Variants in LRRC4C observed in about 807,000 individuals in gnomAD.
LRRC4C encodes leucine rich repeat containing 4C.
LRRC4C carries 5 observed loss-of-function variants against 33.6 expected under a neutral mutation model. The observed-to-expected ratio is 0.15, with a 90% CI of 0.08 to 0.31. The LOEUF (loss-of-function observed/expected upper bound fraction) is 0.31, where lower values mean the gene tolerates loss of function less well. Ranked by LOEUF, LRRC4C falls within the 10% of genes least tolerant of loss-of-function variation. LRRC4C has a pLI of 1.00. For missense variants in LRRC4C, 560 were observed against 796.7 expected (o/e 0.70, Z 3.58); for synonymous variants, 329 against 302.0 (o/e 1.09, Z -0.93).
chr11:40,566,428 A>G (rs1202907776), intron 3 of LRRC4C, among the ~76,000 whole-genome samples: 4 of 152,118 alleles, frequency 2.6e-5, no homozygotes, highest in African/African-American at 9.7e-5. Context: ...ATAATGGTTA[A>G]GTAGATAATG....
intron 2 of LRRC4C, among the ~76,000 whole-genome samples, chr11:40,825,879 A>G (rs1353156492): frequency 6.8e-6 from 1 of 147,474 alleles, no homozygotes; most frequent in Non-Finnish European, 1.5e-5. Context: ...AAAAAAAAAG[A>G]AAAAAATTTA....
chr11:40,502,589 T>C (rs935521875), intron 3 of LRRC4C, among the ~76,000 whole-genome samples: 3 of 152,074 alleles, frequency 2.0e-5, no homozygotes, highest in Non-Finnish European at 4.4e-5. Context: ...ATGAGAATAG[T>C]ATGGGGGAAA....
At chr11:40,256,599 G>T (rs573373584) in intron 4 of LRRC4C, among the ~76,000 whole-genome samples, 6 of 152,154 alleles carry the variant, frequency 3.9e-5, no homozygotes, top group African/African-American at 1.4e-4. Flanking sequence ...AACAAATAAA[G>T]AAATTTCTAA....
intron 2 of LRRC4C, among the ~76,000 whole-genome samples, chr11:40,843,132 G>C (rs1253384041): frequency 6.6e-6 from 1 of 152,000 alleles, no homozygotes; most frequent in South Asian, 2.1e-4. Context: ...GCCTGGTGAC[G>C]AACTGACCCC....
At chr11:40,518,433 A>G (rs919954466) in intron 3 of LRRC4C, among the ~76,000 whole-genome samples, 2 of 152,222 alleles carry the variant, frequency 1.3e-5, no homozygotes, top group African/African-American at 4.8e-5. Context: ...AACCCCATCA[A>G]AAAGTGGACA....
chr11:41,457,515 A>G (rs1956207472), intron 1 of LRRC4C, among the ~76,000 whole-genome samples: 1 of 152,108 alleles, frequency 6.6e-6, no homozygotes, highest in African/African-American at 2.4e-5. Context: ...TTTCTTATTC[A>G]TATATTATTC....
chr11:40,820,577 C>T (rs1174028352), intron 2 of LRRC4C, among the ~76,000 whole-genome samples: 1 of 151,746 alleles, frequency 6.6e-6, no homozygotes, highest in African/African-American at 2.4e-5. Flanking sequence ...TATACAACAT[C>T]AATAGAATAA....
intron 3 of LRRC4C, among the ~76,000 whole-genome samples, chr11:40,470,433 CA>C (rs1319793243): frequency 6.6e-6 from 1 of 152,150 alleles, no homozygotes; most frequent in African/African-American, 2.4e-5. Context: ...GAGAAAAAAC[CA>C]GCTCAAAAAG....
intron 2 of LRRC4C, among the ~76,000 whole-genome samples, chr11:40,799,702 C>A (rs577091596): frequency 2.6e-5 from 4 of 152,290 alleles, no homozygotes; most frequent in African/African-American, 9.6e-5. Flanking sequence ...ATTCCTGCCT[C>A]AAGTGATTCA....
chr11:40,348,253 C>T (rs1173000786), intron 3 of LRRC4C, among the ~76,000 whole-genome samples: 2 of 149,228 alleles, frequency 1.3e-5, no homozygotes, highest in African/African-American at 4.9e-5. Context: ...TGCAGAGTTG[C>T]TATAAACCTT....
chr11:40,386,604 A>G (rs2137406293), intron 3 of LRRC4C, among the ~76,000 whole-genome samples: 1 of 152,184 alleles, frequency 6.6e-6, no homozygotes, highest in South Asian at 2.1e-4. Flanking sequence ...ACTAGAAATT[A>G]TTTGCTATTG....
intron 1 of LRRC4C, among the ~76,000 whole-genome samples, chr11:41,378,962 C>T (rs1168174559): frequency 6.9e-5 from 10 of 145,070 alleles, no homozygotes; most frequent in African/African-American, 2.3e-4. Context: ...TTCATATTGT[C>T]TTGATTTCTC....
chr11:40,488,262 C>T (rs1395821496), intron 3 of LRRC4C, among the ~76,000 whole-genome samples: 2 of 150,836 alleles, frequency 1.3e-5, no homozygotes, highest in South Asian at 2.1e-4. Context: ...ATCAAAAGCA[C>T]GCATACAGGG....
At chr11:41,152,496 GC>G (rs1249536374) in intron 1 of LRRC4C, among the ~76,000 whole-genome samples, 1 of 152,040 alleles carries the variant, frequency 6.6e-6, no homozygotes, top group Non-Finnish European at 1.5e-5. Flanking sequence ...TCAGTGGGAG[GC>G]ATTAGTAACA....
At position 40,185,620 on chromosome 11, in the gene LRRC4C, G is replaced by C. The variant is rs528517710; in HGVS notation, c.-95-44767C>G. ...CTCCAAAGTGCCAGGCACTGTGCTAGAATTTTTAAATATTTTATATTAAAA... is the reference window on the plus strand; with the variant it reads ...CTCCAAAGTGCCAGGCACTGTGCTACAATTTTTAAATATTTTATATTAAAA... On this transcript the variant is annotated intron_variant, in intron 5 of 6. Transcript: ENST00000528697. Among the ~76,000 whole-genome samples the C allele has an allele frequency of 7.2e-5, 11 of 152,310 alleles. No homozygotes were observed. The East Asian group carries it at 2.1e-3, about 29-fold the overall frequency.
chr11:40,276,172 C>T (rs573265877), intron 4 of LRRC4C, among the ~76,000 whole-genome samples: 19 of 152,014 alleles, frequency 1.2e-4, no homozygotes, highest in African/African-American at 2.7e-4. Flanking sequence ...AGATAAATAA[C>T]GTGATAAAGA....
chr11:40,406,604 G>A (rs1949973396), intron 3 of LRRC4C, among the ~76,000 whole-genome samples: 1 of 152,014 alleles, frequency 6.6e-6, no homozygotes. Context: ...CTGGGTAGTG[G>A]TACTATATGT....
At chr11:40,756,520 A>C (rs1948954968) in intron 2 of LRRC4C, among the ~76,000 whole-genome samples, 1 of 152,024 alleles carries the variant, frequency 6.6e-6, no homozygotes, top group Admixed American at 6.6e-5. Context: ...ATCCAAGTAC[A>C]CTGCCTCAAT....
At chr11:41,428,647 T>C (rs1955126306) in intron 1 of LRRC4C, among the ~76,000 whole-genome samples, 1 of 152,132 alleles carries the variant, frequency 6.6e-6, no homozygotes, top group Non-Finnish European at 1.5e-5. Flanking sequence ...GGTTGTCATA[T>C]GTTGTCACCT....
Sources: allele counts gnomAD v4.1 joint callset (sites outside exome capture counted in the v4.1 genomes callset), GRCh38; gene constraint gnomAD v4.1.1; transcripts MANE v1.5; gene names NCBI Gene and HGNC (gene_info 2026-07-23, HGNC 2026-07-21).